SHROOM4: variants seen among roughly 807,000 people sequenced by gnomAD.
SHROOM4 encodes the protein protein Shroom4.
SHROOM4 carries 17 observed loss-of-function variants against 80.3 expected under a neutral mutation model. The observed-to-expected ratio is 0.21, with a 90% CI of 0.14 to 0.32. The LOEUF is 0.32. Ranked by LOEUF, SHROOM4 falls within the 10% of genes least tolerant of loss-of-function variation. The probability of loss-of-function intolerance (pLI) is 1.00; values close to 1 mark genes in which losing one functional copy is unlikely to be tolerated. For missense variants in SHROOM4, 993 were observed against 1,140.3 expected (o/e 0.87, Z 1.86); for synonymous variants, 400 against 437.5 (o/e 0.91, Z 1.07).
chrX:50,736,563 C>A (rs782781494), intron 1 of SHROOM4, among the ~76,000 whole-genome samples: 69 of 112,003 alleles, frequency 6.2e-4, no homozygotes, highest in Admixed American at 1.9e-4. Flanking sequence ...TCAGCTCCAT[C>A]CATGTCCCTG....
chrX:50,683,648 T>C (rs192864442), intron 2 of SHROOM4, among the ~76,000 whole-genome samples: 1 of 111,763 alleles, frequency 8.9e-6, no homozygotes, highest in East Asian at 2.8e-4. Flanking sequence ...TTTACCTTTA[T>C]AGAGGCACAC....
Position 50,814,000 on chromosome X carries a change from A to C in SHROOM4, c.19T>G (p.Ser7Ala), listed in dbSNP as rs1936406144. The C allele has an allele frequency of 8.3e-7, 1 of 1,205,246 alleles. No homozygotes were observed. The highest frequency in any genetic ancestry group is 1.1e-6 in the Non-Finnish European group (1 of 892,678). MENRPG[S>A]FQYVPVQLQG... ...AGCTGCACAGGGACGTACTGGAAGGACCCAGGCCGGTTCTCCATCCTCGGC... is the reference window on the plus strand; with the variant it reads ...AGCTGCACAGGGACGTACTGGAAGGCCCCAGGCCGGTTCTCCATCCTCGGC... The change falls in exon 1 of 9, where the codon TCC becomes GCC. Residue 7 changes from serine (S) to alanine (A), a missense_variant. Ser to Ala is a moderately conservative substitution (Grantham distance 99). Transcript: ENST00000376020.
intron 2 of SHROOM4, among the ~76,000 whole-genome samples, chrX:50,660,468 C>T (rs1279081612): frequency 4.6e-5 from 5 of 109,249 alleles, no homozygotes; most frequent in African/African-American, 1.7e-4. Flanking sequence ...CATCTTATTG[C>T]TTAAATTAAT....
At position 50,634,915 on chromosome X, in the gene SHROOM4, C is replaced by G. The variant is rs1931267705; in HGVS notation, c.1158G>C (p.Glu386Asp). Residue 386 changes from glutamate to aspartate, a missense_variant, in exon 4 of 9, where the codon GAG becomes GAC. Physicochemically the swap from Glu to Asp is conservative, Grantham distance 45. Coordinates refer to ENST00000376020, the MANE Select transcript of SHROOM4 (RefSeq NM_020717.5). ...ASSVDSNPLN[E>D]ASAELAKASF... is the part of the protein sequence containing the mutation. ...AAGCCTTAGCTAGCTCTGCAGAAGC[C>G]TCATTGAGTGGGTTGGAATCCACGC... is the stretch of plus-strand genomic sequence containing the variant. The G allele has an allele frequency of 8.3e-7, 1 of 1,209,247 alleles. No individual in the cohort carries two copies. The highest frequency in any genetic ancestry group is 1.1e-6 in the Non-Finnish European group (1 of 894,132).
intron 2 of SHROOM4, among the ~76,000 whole-genome samples, chrX:50,674,333 C>A (rs1932829551): frequency 9.0e-6 from 1 of 111,507 alleles, no homozygotes; most frequent in Admixed American, 9.6e-5. Context: ...ACTTTGATAA[C>A]TATAGCAGTC....
At chrX:50,755,654 G>A (rs1453740086) in intron 1 of SHROOM4, among the ~76,000 whole-genome samples, 1 of 112,014 alleles carries the variant, frequency 8.9e-6, no homozygotes, top group African/African-American at 3.2e-5. Context: ...TGAAATAGAA[G>A]CAGTGGTTTG....
At chrX:50,651,978 A>G (rs532174785) in intron 2 of SHROOM4, among the ~76,000 whole-genome samples, 1 of 111,599 alleles carries the variant, frequency 9.0e-6, no homozygotes, top group Admixed American at 9.5e-5. Context: ...TATCCAGTTT[A>G]TCATTGATGG....
rs781875514 is a variant in SHROOM4 at position 50,633,210 on chromosome X, T to G, written c.2863A>C (p.Asn955His). The G allele has an allele frequency of 9.9e-6, 12 of 1,209,621 alleles. No individual in the cohort carries two copies. The East Asian group carries it at 3.3e-4, about 33-fold the overall frequency. Residue 955 changes from asparagine to histidine, a missense_variant, in exon 4 of 9, where the codon AAC (asparagine) becomes CAC (histidine). Coordinates refer to ENST00000376020, the MANE Select transcript of SHROOM4 (RefSeq NM_020717.5). ...GTCAGCTTCCTGGGTTTCCAAGTGT[T>G]GCCAGGTGCCAAGCTGCTGTCCTCG... ...ALEDSSLAPG[N>H]TWKPRKLTVQ... is the part of the protein sequence containing the mutation.
At chrX:50,648,728 A>T (rs1404112098) in intron 2 of SHROOM4, among the ~76,000 whole-genome samples, 1 of 112,293 alleles carries the variant, frequency 8.9e-6, no homozygotes, top group East Asian at 2.8e-4. Flanking sequence ...TTGCATGAAC[A>T]GAAGTGAGAA....
At chrX:50,787,324 A>G (rs192151199) in intron 1 of SHROOM4, among the ~76,000 whole-genome samples, 2 of 111,223 alleles carry the variant, frequency 1.8e-5, no homozygotes, top group Admixed American at 1.9e-4. Flanking sequence ...AAAAGAAAGG[A>G]TCAGCAAAGT....
At chrX:50,632,206 G>A (rs1557254248) in intron 4 of SHROOM4, among the ~76,000 whole-genome samples, 1 of 112,113 alleles carries the variant, frequency 8.9e-6, no homozygotes, top group Non-Finnish European at 1.9e-5. Flanking sequence ...TAGAATAGCT[G>A]TTTTAGAATT....
At chrX:50,631,828 G>A (rs782305349) in intron 4 of SHROOM4, among the ~76,000 whole-genome samples, 11 of 111,492 alleles carry the variant, frequency 9.9e-5, no homozygotes, top group Non-Finnish European at 1.5e-4. Flanking sequence ...GCTAGGATTC[G>A]GCGCTTTCAT....
At position 50,598,315 on chromosome X, in the gene SHROOM4, C is replaced by T. The variant is rs782208783; in HGVS notation, c.4163G>A (p.Arg1388Gln). 3.3e-6 allele frequency: 4 copies of T among 1,209,259 alleles called. No homozygotes were observed. Among genetic ancestry groups the T allele is most frequent in the Admixed American group, 2.2e-5 (1 of 45,573 alleles). Reference protein sequence around the residue: ...LLLSLSGRLARVENALNSIDS... With the variant: ...LLLSLSGRLAQVENALNSIDS... ...GATGCTGTTCAGAGCATTCTCCACCCGGGCCAGTCGTCCAGAGAGTGACAG... is the reference window on the plus strand; with the variant it reads ...GATGCTGTTCAGAGCATTCTCCACCTGGGCCAGTCGTCCAGAGAGTGACAG... The change falls in exon 8 of 9, where the codon CGG (arginine) becomes CAG (glutamine). Residue 1388 changes from arginine (R) to glutamine (Q), a missense_variant. Coordinates refer to ENST00000376020, the MANE Select transcript of SHROOM4 (RefSeq NM_020717.5).
chrX:50,701,178 G>A (rs782041558), intron 1 of SHROOM4, among the ~76,000 whole-genome samples: 2 of 111,855 alleles, frequency 1.8e-5, no homozygotes, highest in South Asian at 3.8e-4. Flanking sequence ...AATTTCCCTG[G>A]GGATTAGCTC....
intron 1 of SHROOM4, among the ~76,000 whole-genome samples, chrX:50,805,712 T>C (rs938084482): frequency 1.9e-4 from 21 of 111,550 alleles, no homozygotes; most frequent in Admixed American, 9.5e-4. Context: ...ACTTGTCCCA[T>C]GGAGGGTATG....
At chrX:50,740,945 C>G (rs145270547) in intron 1 of SHROOM4, among the ~76,000 whole-genome samples, 2,658 of 111,588 alleles carry the variant, frequency 0.024, 74 homozygotes, top group African/African-American at 0.082. Flanking sequence ...AGTCTTTAAT[C>G]TATTTTGAGT....
chrX:50,692,273 A>G (rs1277297639), intron 2 of SHROOM4, among the ~76,000 whole-genome samples: 4 of 111,986 alleles, frequency 3.6e-5, no homozygotes, highest in Non-Finnish European at 7.5e-5. Context: ...TACAACCAGC[A>G]TCTCACAGGG....
At chrX:50,645,452 T>C (rs1331560387) in intron 2 of SHROOM4, among the ~76,000 whole-genome samples, 5 of 111,988 alleles carry the variant, frequency 4.5e-5, no homozygotes, top group Admixed American at 2.8e-4. Context: ...TTGTTATCAG[T>C]GTGACCCTGC....
In SHROOM4 at chrX:50,596,311, T is replaced by C. The variant is rs41308606; in HGVS notation, c.*384A>G. The C allele has an allele frequency of 8.8e-3, 3,097 of 351,181 alleles. 18 individuals carry two copies. Among genetic ancestry groups the C allele is most frequent in the Non-Finnish European group, 0.013 (2,435 of 184,681 alleles). 28.9% of individuals were successfully genotyped at this position (351,181 alleles called of 1,213,427 possible). A position where few individuals can be genotyped will look rare whatever the true frequency, so the allele number is the denominator to read the frequency against. ...GGGCAGAGTAGAGCTGCAAGGCAGA[T>C]TCCCTCTGAGCCTTTAGAGGCTGTT... On this transcript the variant is annotated 3_prime_UTR_variant, in exon 9 of 9. Coordinates refer to ENST00000376020, the MANE Select transcript of SHROOM4 (RefSeq NM_020717.5).
Sources: gnomAD v4.1 joint callset for allele counts (sites outside exome capture counted in the v4.1 genomes callset) on GRCh38, gnomAD v4.1.1 for gene constraint, MANE v1.5 for transcripts, NCBI Gene and HGNC (gene_info 2026-07-23, HGNC 2026-07-21) for gene names.